The following DRC5 variants were observed in gnomAD, a reference collection of about 807,000 sequenced individuals.
DRC5 encodes the protein T-complex-associated testis-expressed protein 1.
At chr6:44,280,354 T>C in the DRC5 span, 1 of 1,613,938 alleles carries the variant, frequency 6.2e-7, no homozygotes, top group Non-Finnish European at 8.5e-7. Flanking sequence ...AGGGTCTTGT[T>C]GTCTGACATG....
At chr6:44,287,862 G>A in the DRC5 span, 2 of 1,596,374 alleles carry the variant, frequency 1.3e-6, no homozygotes, top group Admixed American at 1.7e-5. Flanking sequence ...GTGGCCCCTG[G>A]ATGGCCTTAT....
the DRC5 span, among the ~76,000 whole-genome samples, chr6:44,281,304 C>T: frequency 6.6e-6 from 1 of 152,200 alleles, no homozygotes; most frequent in East Asian, 1.9e-4. Flanking sequence ...TTAAAAAATA[C>T]AATAGAATGG....
At chr6:44,286,202 G>T in the DRC5 span, 41 of 1,611,522 alleles carry the variant, frequency 2.5e-5, no homozygotes, top group Middle Eastern at 8.2e-4. Context: ...GAGCTGGGCC[G>T]GGAGCTGCAC....
chr6:44,294,320 T>C, the DRC5 span, among the ~76,000 whole-genome samples: 4 of 152,316 alleles, frequency 2.6e-5, no homozygotes, highest in African/African-American at 9.6e-5. Context: ...AGTTGTAATA[T>C]ATTGTTTCTG....
At chr6:44,280,873 C>T in the DRC5 span, among the ~76,000 whole-genome samples, 119 of 152,308 alleles carry the variant, frequency 7.8e-4, no homozygotes, top group African/African-American at 2.7e-3. Flanking sequence ...CTGGGGTGGG[C>T]AGAGCAGAGG....
chr6:44,280,499 A>G, the DRC5 span: 1 of 767,802 alleles, frequency 1.3e-6, no homozygotes. Flanking sequence ...TTCACAAAAC[A>G]ATACTTAACC....
chr6:44,294,264 G>T, the DRC5 span, among the ~76,000 whole-genome samples: 1 of 152,108 alleles, frequency 6.6e-6, no homozygotes, highest in Non-Finnish European at 1.5e-5. Flanking sequence ...TTACAGGCGT[G>T]AGCCACTGCA....
At chr6:44,279,748 G>GTGT in the DRC5 span, 3 of 135,254 alleles carry the variant, frequency 2.2e-5, no homozygotes, top group African/African-American at 8.4e-5. Context: ...GTAGCCAGAG[G>GTGT]GTGTGTGTGT....
chr6:44,286,288 A>T, the DRC5 span: 1 of 1,613,100 alleles, frequency 6.2e-7, no homozygotes, highest in Admixed American at 1.7e-5. Flanking sequence ...GGATCACCGC[A>T]GGGTCTGTGG....
the DRC5 span, among the ~76,000 whole-genome samples, chr6:44,295,957 G>A: frequency 2.6e-5 from 4 of 152,194 alleles, no homozygotes; most frequent in Non-Finnish European, 5.9e-5. Context: ...CACTCAAGAT[G>A]TGTGTTAGAT....
the DRC5 span, among the ~76,000 whole-genome samples, chr6:44,297,317 C>A: frequency 4.6e-5 from 7 of 152,226 alleles, no homozygotes; most frequent in Admixed American, 3.9e-4. Flanking sequence ...GGCTTGGGAC[C>A]GCTCTCCTCC....
chr6:44,280,127 G>A, the DRC5 span: 2 of 1,490,340 alleles, frequency 1.3e-6, no homozygotes, highest in South Asian at 2.3e-5. Context: ...AGCAGGCATG[G>A]CAGGGGTATG....
chr6:44,285,789 G>T, the DRC5 span, among the ~76,000 whole-genome samples: 1 of 152,104 alleles, frequency 6.6e-6, no homozygotes, highest in Non-Finnish European at 1.5e-5. Flanking sequence ...GCAGCGCCTT[G>T]TTCATCTCTA....
the DRC5 span, among the ~76,000 whole-genome samples, chr6:44,291,739 T>C: frequency 6.6e-6 from 1 of 152,206 alleles, no homozygotes; most frequent in Non-Finnish European, 1.5e-5. Flanking sequence ...AAGCAGAGGG[T>C]ACTGTTACCA....
At chr6:44,285,357 G>A in the DRC5 span, among the ~76,000 whole-genome samples, 1 of 152,126 alleles carries the variant, frequency 6.6e-6, no homozygotes. Context: ...GGAATATTCG[G>A]GACATACTTA....
the DRC5 span, chr6:44,287,058 A>G: frequency 3.0e-6 from 1 of 331,086 alleles, no homozygotes; most frequent in Non-Finnish European, 4.3e-6. Flanking sequence ...CTGGGTGATG[A>G]TAGTTGCTGT....
At chr6:44,289,692 C>A in the DRC5 span, among the ~76,000 whole-genome samples, 2 of 152,166 alleles carry the variant, frequency 1.3e-5, no homozygotes, top group African/African-American at 4.8e-5. Context: ...AGTGGGCAAG[C>A]GTGGGAGGCG....
At chr6:44,279,824 G>T in the DRC5 span, 1 of 219,094 alleles carries the variant, frequency 4.6e-6, no homozygotes, top group Non-Finnish European at 9.1e-6. Context: ...GTTTGGTAGA[G>T]AAGAAAATGG....
chr6:44,285,822 G>A, the DRC5 span: 2 of 753,278 alleles, frequency 2.7e-6, no homozygotes, highest in Non-Finnish European at 4.2e-6. Flanking sequence ...CGTGTATCTT[G>A]GTGCAGGGTG....
Sources: gnomAD v4.1 joint callset for allele counts (sites outside exome capture counted in the v4.1 genomes callset) on GRCh38, gnomAD v4.1.1 for gene constraint, MANE v1.5 for transcripts, NCBI Gene and HGNC (gene_info 2026-07-23, HGNC 2026-07-21) for gene names.